Variants in LMX1A observed in about 807,000 individuals in gnomAD.
The protein encoded by LMX1A is LIM homeobox transcription factor 1 alpha, also known as LIM homeobox transcription factor 1-alpha.
Under a neutral mutation model 49.1 loss-of-function variants are expected in LMX1A, and 15 were observed. The observed-to-expected ratio is 0.31, with a 90% CI of 0.20 to 0.47. LMX1A has a LOEUF of 0.47. LMX1A is among the 20% of genes least tolerant of loss of function. LMX1A has a pLI of 1.00. For missense variants in LMX1A, 372 were observed against 475.8 expected, an observed-to-expected ratio of 0.78 and a Z score of 2.03; for synonymous variants, 167 against 185.7, an observed-to-expected ratio of 0.90 and a Z score of 0.82.
At chr1:165,251,166 T>G (rs775042030) in intron 3 of LMX1A, among the ~76,000 whole-genome samples, 1 of 151,886 alleles carries the variant, frequency 6.6e-6, no homozygotes, top group Non-Finnish European at 1.5e-5. Flanking sequence ...CACTGCAATG[T>G]CTGCCTCTTG....
chr1:165,253,442 G>A (rs748674829), intron 3 of LMX1A, among the ~76,000 whole-genome samples: 1 of 152,118 alleles, frequency 6.6e-6, no homozygotes, highest in Non-Finnish European at 1.5e-5. Context: ...TGGAATGAAG[G>A]GGAAGCTAAG....
intron 3 of LMX1A, among the ~76,000 whole-genome samples, chr1:165,283,640 T>C (rs1654216754): frequency 1.3e-5 from 2 of 152,212 alleles, no homozygotes; most frequent in Admixed American, 6.5e-5. Context: ...CTGCATAGCA[T>C]TGCTTTTTTC....
intron 4 of LMX1A, among the ~76,000 whole-genome samples, chr1:165,220,505 T>C (rs1262005493): frequency 6.6e-6 from 1 of 152,272 alleles, no homozygotes; most frequent in African/African-American, 2.4e-5. Flanking sequence ...ATTGGAGCCT[T>C]CCACCTAACC....
chr1:165,271,543 T>C (rs930850533), intron 3 of LMX1A, among the ~76,000 whole-genome samples: 5 of 152,224 alleles, frequency 3.3e-5, no homozygotes, highest in Admixed American at 3.3e-4. Context: ...CTGTGATTCC[T>C]ATTCCTATAG....
intron 3 of LMX1A, among the ~76,000 whole-genome samples, chr1:165,257,360 G>T (rs1441569255): frequency 6.6e-6 from 1 of 151,944 alleles, no homozygotes; most frequent in Non-Finnish European, 1.5e-5. Context: ...GCTCATGAGG[G>T]GGTCACGAAA....
intron 3 of LMX1A, among the ~76,000 whole-genome samples, chr1:165,286,356 C>T (rs7528111): frequency 0.34 from 51,316 of 151,994 alleles, 8,754 homozygotes; most frequent in African/African-American, 0.36. Context: ...ACCTGAAAGA[C>T]AGCAGCCAGG....
intron 6 of LMX1A, 67 bp from the exon 7 acceptor site, chr1:165,208,199 G>T (rs148755401): frequency 4.1e-6 from 6 of 1,455,756 alleles, no homozygotes; most frequent in Middle Eastern, 1.8e-4. Flanking sequence ...AGTAAGGGGG[G>T]GCCTGGAAGT....
chr1:165,234,290 G>A (rs975039273), intron 4 of LMX1A, among the ~76,000 whole-genome samples: 3 of 152,002 alleles, frequency 2.0e-5, no homozygotes, highest in African/African-American at 2.4e-5. Flanking sequence ...TTCATCGCCG[G>A]CAAGTTACCT....
intron 3 of LMX1A, among the ~76,000 whole-genome samples, chr1:165,323,720 T>C (rs1420901209): frequency 6.6e-6 from 1 of 152,212 alleles, no homozygotes; most frequent in East Asian, 1.9e-4. Context: ...ATTTTAGGAC[T>C]TCTTTGCTCC....
intron 3 of LMX1A, among the ~76,000 whole-genome samples, chr1:165,295,205 A>T (rs1654580498): frequency 1.3e-5 from 2 of 152,028 alleles, no homozygotes; most frequent in African/African-American, 2.4e-5. Flanking sequence ...TTAAATGAAG[A>T]AGCAGATTAT....
rs192243042 is a variant in LMX1A, at chr1:165,208,774, G to A, written c.748-642C>T. Among the ~76,000 whole-genome samples, 529 of 152,212 alleles carry A rather than the reference G, an allele frequency of 3.5e-3. 1 individual carries two copies. The highest frequency in any genetic ancestry group is 6.8e-3 in the Middle Eastern group (2 of 292). On this transcript the variant is annotated intron_variant, in intron 6 of 8. Transcript: ENST00000342310. ...CCATTCTCCTGCCTCAGCCTCCCGA[G>A]TAGGTGGGACTACAGGCGCCCGCCA...
chr1:165,242,671 T>G (rs1334599423), intron 4 of LMX1A, among the ~76,000 whole-genome samples: 4 of 150,384 alleles, frequency 2.7e-5, no homozygotes, highest in Admixed American at 6.6e-5. Context: ...GGTCAGGAGA[T>G]CAAGACCATC....
At chr1:165,350,831 A>T (rs1159462967) in intron 3 of LMX1A, among the ~76,000 whole-genome samples, 1 of 152,240 alleles carries the variant, frequency 6.6e-6, no homozygotes, top group Non-Finnish European at 1.5e-5. Flanking sequence ...AAATATTTTT[A>T]AAATAAAATT....
chr1:165,302,401 A>T (rs1654809076), intron 3 of LMX1A, among the ~76,000 whole-genome samples: 1 of 151,978 alleles, frequency 6.6e-6, no homozygotes, highest in Admixed American at 6.6e-5. Context: ...CCAAGATCAC[A>T]CCACTGTACT....
At chr1:165,281,253 C>T (rs1358338197) in intron 3 of LMX1A, among the ~76,000 whole-genome samples, 1 of 152,138 alleles carries the variant, frequency 6.6e-6, no homozygotes, top group African/African-American at 2.4e-5. Flanking sequence ...GAAAAATTTC[C>T]AGGACTACTT....
rs1656585585 is a variant in LMX1A at position 165,355,683 on chromosome 1, C to A, written c.-22-102G>T. 2.4e-6 allele frequency: 2 copies of A among 830,450 alleles called. No homozygotes were observed. Among genetic ancestry groups the A allele is most frequent in the African/African-American group, 1.7e-5 (1 of 59,068 alleles). 51.4% of individuals were successfully genotyped at this position (830,450 alleles called of 1,614,324 possible). On this transcript the variant is annotated intron_variant, in intron 1 of 8. Coordinates refer to ENST00000342310, the MANE Select transcript of LMX1A (RefSeq NM_177398.4). This position sits in a 1 kb window ranked among gnomAD's most constrained non-coding sequence, Gnocchi z 4.7. ...GAAAGAACTGAGGGAGTGTCCAGGG[C>A]GACCAGAATCAGCCAGGAGGATAGG...
chr1:165,306,398 T>C (rs1654921680), intron 3 of LMX1A, among the ~76,000 whole-genome samples: 2 of 152,174 alleles, frequency 1.3e-5, no homozygotes, highest in Non-Finnish European at 2.9e-5. Context: ...AGAACACATC[T>C]AAGTGGCTCT....
intron 3 of LMX1A, among the ~76,000 whole-genome samples, chr1:165,303,447 C>A (rs1265484642): frequency 1.3e-5 from 2 of 152,182 alleles, no homozygotes; most frequent in East Asian, 3.8e-4. Flanking sequence ...TTGGGTTGTT[C>A]ATTGATCCTC....
At chr1:165,321,153 G>A (rs188309018) in intron 3 of LMX1A, among the ~76,000 whole-genome samples, 44 of 152,250 alleles carry the variant, frequency 2.9e-4, no homozygotes, top group African/African-American at 1.0e-3. Flanking sequence ...AAGACCTCAC[G>A]CTGTATGATT....
Sources: allele counts gnomAD v4.1 joint callset (sites outside exome capture counted in the v4.1 genomes callset), GRCh38; gene constraint gnomAD v4.1.1; non-coding constraint Gnocchi (gnomAD v3.1); transcripts MANE v1.5; gene names NCBI Gene and HGNC (gene_info 2026-07-23, HGNC 2026-07-21).